TMEM135: variants seen among roughly 807,000 people sequenced by gnomAD.
TMEM135 encodes peroxisomal membrane protein 52.
Under a neutral mutation model 60.3 loss-of-function variants are expected in TMEM135, and 30 were observed. The observed-to-expected ratio is 0.50, with a 90% CI of 0.37 to 0.68. TMEM135 has a LOEUF of 0.68. TMEM135 is among the 30% of genes least tolerant of loss of function. The pLI, the probability that TMEM135 is intolerant of heterozygous loss-of-function variation, is 0.00. For synonymous variants in TMEM135, 190 were observed against 186.7 expected (o/e 1.02, Z -0.14); for missense variants, 468 against 548.8 (o/e 0.85, Z 1.47).
intron 4 of TMEM135, among the ~76,000 whole-genome samples, chr11:87,153,838 T>C (rs1444034452): frequency 2.6e-5 from 4 of 152,250 alleles, no homozygotes; most frequent in Non-Finnish European, 5.9e-5. Context: ...TACAGTGTTC[T>C]ACACTGTATC....
At chr11:87,061,308 G>C (rs572583317) in intron 1 of TMEM135, among the ~76,000 whole-genome samples, 12 of 152,186 alleles carry the variant, frequency 7.9e-5, no homozygotes, top group South Asian at 6.2e-4. Flanking sequence ...TATCACAGCT[G>C]GGGGGATTCT....
intron 4 of TMEM135, among the ~76,000 whole-genome samples, chr11:87,129,544 ATTTTT>A (rs371919827): frequency 4.8e-5 from 6 of 125,654 alleles, no homozygotes; most frequent in African/African-American, 1.2e-4. Context: ...TGCTTGGCCA[ATTTTT>A]TTTTTTTTTG....
rs764668167 is a variant in TMEM135, at chr11:87,326,674, A to C, written c.*5341A>C. On this transcript the variant is annotated 3_prime_UTR_variant, in exon 15 of 15. Coordinates refer to ENST00000305494, the MANE Select transcript of TMEM135 (RefSeq NM_022918.4). ...CCATATCTTTGCTATGTATTTCTTC[A>C]TCTTGAGCTCTCAAGGGAAAAAACA... 2.4e-5 allele frequency: 11 copies of C among 453,716 alleles called. No individual in the cohort carries two copies. Among genetic ancestry groups the C allele is most frequent in the Admixed American group, 9.4e-5 (4 of 42,534 alleles). 28.1% of individuals were successfully genotyped at this position (453,716 alleles called of 1,614,324 possible). A position where few individuals can be genotyped will look rare whatever the true frequency, so the allele number is the denominator to read the frequency against.
chr11:87,112,750 C>T (rs577128847), intron 4 of TMEM135, among the ~76,000 whole-genome samples: 1 of 151,324 alleles, frequency 6.6e-6, no homozygotes, highest in African/African-American at 2.4e-5. Flanking sequence ...GGGCTGATGC[C>T]TAGCATGATA....
At chr11:87,143,385 G>T in intron 4 of TMEM135, among the ~76,000 whole-genome samples, 2 of 144,422 alleles carry the variant, frequency 1.4e-5, no homozygotes. Context: ...TTTTTAAGCT[G>T]ACCATGGAGC....
At chr11:87,049,615 ACTAT>A (rs2135113291) in intron 1 of TMEM135, among the ~76,000 whole-genome samples, 1 of 122,364 alleles carries the variant, frequency 8.2e-6, no homozygotes, top group Non-Finnish European at 1.8e-5. Context: ...AGAGAAGCTA[ACTAT>A]CCTAAATATT....
intron 5 of TMEM135, among the ~76,000 whole-genome samples, chr11:87,181,483 C>T (rs1457531826): frequency 6.6e-6 from 1 of 152,026 alleles, no homozygotes; most frequent in African/African-American, 2.4e-5. Context: ...CAGTAAATTC[C>T]AAAAATGCCA....
chr11:87,126,280 G>T (rs1238812508), intron 4 of TMEM135, among the ~76,000 whole-genome samples: 1 of 151,870 alleles, frequency 6.6e-6, no homozygotes, highest in Non-Finnish European at 1.5e-5. Context: ...AATTTTTGTG[G>T]CTGTCTCTTT....
At chr11:87,190,053 C>T (rs566960957) in intron 5 of TMEM135, among the ~76,000 whole-genome samples, 3 of 152,092 alleles carry the variant, frequency 2.0e-5, no homozygotes, top group Non-Finnish European at 1.5e-5. Flanking sequence ...GAAAAAGGAA[C>T]TGCTTTATGA....
At chr11:87,142,718 C>T (rs866741901) in intron 4 of TMEM135, among the ~76,000 whole-genome samples, 167 of 151,254 alleles carry the variant, frequency 1.1e-3, no homozygotes, top group African/African-American at 3.8e-3. Context: ...TCCCTTCTCC[C>T]TCCTTCACCC....
chr11:87,258,334 C>G (rs566150497), intron 6 of TMEM135, among the ~76,000 whole-genome samples: 1 of 152,080 alleles, frequency 6.6e-6, no homozygotes, highest in Non-Finnish European at 1.5e-5. Context: ...TTCCCCAGTC[C>G]CCATCCTGTG....
intron 9 of TMEM135, among the ~76,000 whole-genome samples, chr11:87,307,249 C>T (rs1283430363): frequency 6.6e-6 from 1 of 152,062 alleles, no homozygotes. Flanking sequence ...GCCCAGCCCA[C>T]ACTTAGCTTC....
chr11:87,261,279 T>A (rs1366575008), intron 6 of TMEM135, among the ~76,000 whole-genome samples: 2 of 152,218 alleles, frequency 1.3e-5, no homozygotes, highest in Non-Finnish European at 1.5e-5. Flanking sequence ...CTTATGTATA[T>A]TTTGCCAAAA....
intron 10 of TMEM135, 104 bp downstream of exon 10, chr11:87,309,776 G>A (rs1565166760): frequency 1.6e-6 from 2 of 1,251,022 alleles, no homozygotes; most frequent in Non-Finnish European, 1.1e-6. Flanking sequence ...CTTCTTTCTG[G>A]AATATTCATA....
chr11:87,055,042 G>C (rs891587646), intron 1 of TMEM135, among the ~76,000 whole-genome samples: 7 of 152,094 alleles, frequency 4.6e-5, no homozygotes, highest in Admixed American at 3.9e-4. Context: ...CAATGAAGGG[G>C]GAAGGTAAAC....
At chr11:87,235,500 T>G (rs1460980430) in intron 5 of TMEM135, among the ~76,000 whole-genome samples, 1 of 152,044 alleles carries the variant, frequency 6.6e-6, no homozygotes, top group Non-Finnish European at 1.5e-5. Flanking sequence ...AAGCTTGATT[T>G]GTAATGGCAA....
At chr11:87,288,509 G>A (rs565706681) in intron 6 of TMEM135, among the ~76,000 whole-genome samples, 2 of 152,282 alleles carry the variant, frequency 1.3e-5, no homozygotes, top group East Asian at 1.9e-4. Flanking sequence ...GGGCTAGTGA[G>A]ATCATTTCTC....
intron 12 of TMEM135, among the ~76,000 whole-genome samples, chr11:87,317,591 A>G (rs1942754798): frequency 2.0e-5 from 3 of 152,000 alleles, no homozygotes; most frequent in Admixed American, 6.6e-5. Context: ...TTTTATGGCA[A>G]TTCAGTTGGG....
intron 3 of TMEM135, among the ~76,000 whole-genome samples, chr11:87,079,512 G>A (rs892669559): frequency 6.6e-6 from 1 of 151,976 alleles, no homozygotes. Flanking sequence ...TTAGTTTTAA[G>A]AGTTTTTGGT....
Sources: allele counts gnomAD v4.1 joint callset (sites outside exome capture counted in the v4.1 genomes callset), GRCh38; gene constraint gnomAD v4.1.1; transcripts MANE v1.5; gene names NCBI Gene and HGNC (gene_info 2026-07-23, HGNC 2026-07-21).